MMP1: variants seen among roughly 807,000 people sequenced by gnomAD.
The protein encoded by MMP1 is matrix metallopeptidase 1, also known as interstitial collagenase.
MMP1 carries 51 observed loss-of-function variants against 49.6 expected under a neutral mutation model. The ratio of observed to expected loss-of-function variants is 1.03; its 90% CI spans 0.82 to 1.30. MMP1 has a LOEUF of 1.30. Ranked by LOEUF, MMP1 falls within the 50% of genes most tolerant of loss-of-function variation. MMP1 has a pLI of 0.00. For missense variants in MMP1, 623 were observed against 568.7 expected, an observed-to-expected ratio of 1.10 and a Z score of -0.97; for synonymous variants, 230 against 196.8, an observed-to-expected ratio of 1.17 and a Z score of -1.41.
chr11:102,795,899 G>A lies in MMP1; in HGVS notation c.626-292C>T, dbSNP rs368681785. Among the ~76,000 whole-genome samples, 27 of 152,236 alleles carry A rather than the reference G, an allele frequency of 1.8e-4. No homozygotes were observed. The South Asian group carries it at 2.9e-3, about 16-fold the overall frequency. On this transcript the variant is annotated intron_variant, in intron 4 of 9. Coordinates refer to ENST00000315274, the MANE Select transcript of MMP1 (RefSeq NM_002421.4). Reference sequence around the variant, plus strand: ...AATATTATCAATGATTAAATGACACGTACTATTTCACACAGAAGCAAAATG... The same window carrying A: ...AATATTATCAATGATTAAATGACACATACTATTTCACACAGAAGCAAAATG...
In MMP1 at chr11:102,794,208, A is replaced by T. The variant is rs1276326791; in HGVS notation, c.899+966T>A. On this transcript the variant is annotated intron_variant, in intron 6 of 9. Coordinates refer to ENST00000315274, the MANE Select transcript of MMP1 (RefSeq NM_002421.4). The surrounding 1 kb of genome is among the most constrained non-coding windows in gnomAD (Gnocchi z 4.3). The stretch of plus-strand genomic sequence containing the variant: ...TACACTTAAAAAGTAAAGAGAGGGC[A>T]GAAAGAATTATGAGCCAGTGCCCTG... Among the ~76,000 whole-genome samples, 4 of 152,238 alleles carry T rather than the reference A, an allele frequency of 2.6e-5. No homozygotes were observed. The highest frequency in any genetic ancestry group is 9.6e-5 in the African/African-American group (4 of 41,466).
At position 102,790,402 on chromosome 11, in the gene MMP1, T is replaced by C; in HGVS notation, c.*10A>G. 1.3e-6 allele frequency: 2 copies of C among 1,521,730 alleles called. No homozygotes were observed. The highest frequency in any genetic ancestry group is 1.8e-6 in the Non-Finnish European group (2 of 1,105,052). 94.3% of individuals were successfully genotyped at this position (1,521,730 alleles called of 1,614,324 possible). A position where few individuals can be genotyped will look rare whatever the true frequency, so the allele number is the denominator to read the frequency against. On this transcript the variant is annotated 3_prime_UTR_variant, in exon 10 of 10. Transcript: ENST00000315274. ...TCACACCATGTGTTTTCCATTCAAA[T>C]TAGTAATGTTCAATTTTTCCTGCAG...
intron 1 of MMP1, 96 bp downstream of exon 1, chr11:102,797,892 T>G: frequency 1.1e-6 from 1 of 947,966 alleles, no homozygotes; most frequent in Non-Finnish European, 1.5e-6. Flanking sequence ...AAAAATCTCT[T>G]TATAAGAAAC....
chr11:102,791,431 G>C lies in MMP1; in HGVS notation c.1098C>G (p.Ser366Arg). ...TCACAGTTCTAGGGAAGCCAAAGGAGCTGTAGATGTCCTTGGGGTATCCGT... is the reference window on the plus strand; with the variant it reads ...TCACAGTTCTAGGGAAGCCAAAGGACCTGTAGATGTCCTTGGGGTATCCGT... ...VLHGYPKDIY[S>R]SFGFPRTVKH... Residue 366 changes from serine (S) to arginine (R), a missense_variant, in exon 8 of 10, where the codon AGC becomes AGG. Transcript: ENST00000315274. 1 of 1,613,998 alleles carries C rather than the reference G, an allele frequency of 6.2e-7. No individual in the cohort carries two copies. Among genetic ancestry groups the C allele is most frequent in the Non-Finnish European group, 8.5e-7 (1 of 1,179,850 alleles).
intron 2 of MMP1, 28 bp downstream of exon 2, chr11:102,797,228 C>G (rs756497834): frequency 5.0e-6 from 8 of 1,613,718 alleles, no homozygotes; most frequent in Non-Finnish European, 6.8e-6. Context: ...GGAAATAGCT[C>G]TCTCACTCTG....
At chr11:102,791,626 A>G in intron 7 of MMP1, 131 bp from the exon 8 acceptor site, 4 of 935,238 alleles carry the variant, frequency 4.3e-6, no homozygotes, top group Non-Finnish European at 6.4e-6. Context: ...ATCTAGGGAG[A>G]TTTTTGAAAA....
rs1375686332 is a variant in MMP1, at chr11:102,795,532, G to A, written c.701C>T (p.Ala234Val). The change falls in exon 5 of 10, where the codon GCT becomes GTT. Residue 234 changes from alanine (A) to valine (V), a missense_variant. Coordinates refer to ENST00000315274, the MANE Select transcript of MMP1 (RefSeq NM_002421.4). Reference sequence around the variant, plus strand: ...GAAGGTGTAGCTAGGGTACATCAAAGCCCCGATATCAGTAGAATGGGAGAG... The same window carrying A: ...GAAGGTGTAGCTAGGGTACATCAAAACCCCGATATCAGTAGAATGGGAGAG... ...LGLSHSTDIG[A>V]LMYPSYTFSG... 1.2e-6 allele frequency: 2 copies of A among 1,614,018 alleles called. No individual in the cohort carries two copies. The highest frequency in any genetic ancestry group is 1.7e-6 in the Non-Finnish European group (2 of 1,179,990).
At chr11:102,790,835 A>G (rs1858008052) in intron 8 of MMP1, 29 bp from the exon 9 acceptor site, 5 of 1,276,488 alleles carry the variant, frequency 3.9e-6, no homozygotes, top group Middle Eastern at 1.8e-4. Context: ...AGAGTGTCAG[A>G]CCTTTTGCTA....
At chr11:102,790,641 T>G (rs1383201373) in intron 9 of MMP1, 62 bp downstream of exon 9, 12 of 1,381,636 alleles carry the variant, frequency 8.7e-6, no homozygotes, top group Non-Finnish European at 1.1e-5. Flanking sequence ...CTGTTCCAAC[T>G]AACAATAATG....
Position 102,791,508 on chromosome 11 carries a change from A to G in MMP1, c.1034-13T>C, listed in dbSNP as rs867161685. 16 of 1,610,624 alleles carry G rather than the reference A, an allele frequency of 9.9e-6. No individual in the cohort carries two copies. In the Middle Eastern group the frequency reaches 1.8e-3, roughly 183 times the overall value. On this transcript the variant is annotated splice_polypyrimidine_tract_variant and intron_variant, in intron 7 of 9. Transcript: ENST00000315274. ...CAGTACTTATTCCCTGCCAATCAAGAAAGAGTGATAAAACACTTGCCTAAG... is the reference window on the plus strand; with the variant it reads ...CAGTACTTATTCCCTGCCAATCAAGGAAGAGTGATAAAACACTTGCCTAAG...
rs369683438 is a variant in MMP1, at chr11:102,797,365, C to T, written c.241G>A (p.Ala81Thr). ...FGLKVTGKPD[A>T]ETLKVMKQPR... ...TGCTTCATCACCTTCAGGGTTTCAGCATCTGGTTTCCCAGTCACTTTCAGC... is the reference window on the plus strand; with the variant it reads ...TGCTTCATCACCTTCAGGGTTTCAGTATCTGGTTTCCCAGTCACTTTCAGC... Residue 81 changes from alanine (A) to threonine (T), a missense_variant, in exon 2 of 10, where the codon GCT becomes ACT. Transcript: ENST00000315274. 2.5e-6 allele frequency: 4 copies of T among 1,614,196 alleles called. No homozygotes were observed. The South Asian group carries it at 4.4e-5, about 18-fold the overall frequency.
intron 4 of MMP1, 84 bp downstream of exon 4, chr11:102,796,580 G>A (rs1401170473): frequency 2.1e-6 from 3 of 1,452,636 alleles, no homozygotes; most frequent in Non-Finnish European, 2.8e-6. Context: ...TTCTATGAAT[G>A]CATTCTTTCA....
intron 1 of MMP1, 85 bp downstream of exon 1, chr11:102,797,903 C>T: frequency 4.9e-6 from 5 of 1,016,260 alleles, no homozygotes; most frequent in Non-Finnish European, 7.1e-6. Context: ...TATAAGAAAC[C>T]TATCCTTAAA....
chr11:102,795,093 T>G (rs1241759502), intron 6 of MMP1, 81 bp downstream of exon 6: 15 of 1,094,312 alleles, frequency 1.4e-5, no homozygotes, highest in Admixed American at 1.7e-5. Context: ...ATAAGTAACA[T>G]GTGAAGCATA....
At position 102,791,422 on chromosome 11, in the gene MMP1, G is replaced by A; in HGVS notation, c.1107C>T (p.Gly369=). 6.2e-7 allele frequency: 1 copy of A among 1,614,042 alleles called. No homozygotes were observed. Among genetic ancestry groups the A allele is most frequent in the Non-Finnish European group, 8.5e-7 (1 of 1,179,880 alleles). ...CGATATGCTTCACAGTTCTAGGGAA[G>A]CCAAAGGAGCTGTAGATGTCCTTGG... is the stretch of plus-strand genomic sequence containing the variant. ...GYPKDIYSSF[G]FPRTVKHIDA... The change falls in exon 8 of 10, where the codon GGC becomes GGT. Residue 369 remains glycine (G), a synonymous_variant. Transcript: ENST00000315274.
chr11:102,791,217 A>T (rs1418660768), intron 8 of MMP1, 116 bp downstream of exon 8: 1 of 1,049,126 alleles, frequency 9.5e-7, no homozygotes, highest in Non-Finnish European at 1.4e-6. Context: ...GGCACCAGCC[A>T]TCTGAAGGAA....
At position 102,796,286 on chromosome 11, in the gene MMP1, A is replaced by G. The variant is rs758967599; in HGVS notation, c.625+378T>C. 4.7e-4 allele frequency among the ~76,000 whole-genome samples: 72 copies of G among 152,328 alleles called. 1 individual carries two copies. The South Asian group carries it at 6.0e-3, about 13-fold the overall frequency. ...TTTTTCTTATTTACAAAACTGATAA[A>G]TGTTGACTGCTGGAAATTTTGGAAA... On this transcript the variant is annotated intron_variant, in intron 4 of 9. Transcript: ENST00000315274.
chr11:102,795,234 C>T lies in MMP1; in HGVS notation c.839G>A (p.Ser280Asn). 2 of 1,614,148 alleles carry T rather than the reference C, an allele frequency of 1.2e-6. No individual in the cohort carries two copies. Among genetic ancestry groups the T allele is most frequent in the Non-Finnish European group, 1.7e-6 (2 of 1,180,016 alleles). The change falls in exon 6 of 10, where the codon AGT (serine) becomes AAT (asparagine). Residue 280 changes from serine to asparagine, a missense_variant. Ser to Asn is a conservative substitution (Grantham distance 46). Coordinates refer to ENST00000315274, the MANE Select transcript of MMP1 (RefSeq NM_002421.4). ...IGPQTPKACD[S>N]KLTFDAITTI... ...AGTTATAGCATCAAAGGTTAGCTTACTGTCACACGCTTTTGGGGTTTGTGG... is the reference window on the plus strand; with the variant it reads ...AGTTATAGCATCAAAGGTTAGCTTATTGTCACACGCTTTTGGGGTTTGTGG...
Position 102,790,348 on chromosome 11 carries a change from A to G in MMP1, c.*64T>C. 1.1e-6 allele frequency: 1 copy of G among 913,916 alleles called. No individual in the cohort carries two copies. Among genetic ancestry groups the G allele is most frequent in the Non-Finnish European group, 1.7e-6 (1 of 580,478 alleles). The allele number at this position is 913,916 out of a possible 1,614,324, so 56.6% of individuals were successfully genotyped here. ...GTTAAAAATGACTGAGAAAATAGAC[A>G]GTTCTTCAGGAAAACACCTTCTTTG... On this transcript the variant is annotated 3_prime_UTR_variant, in exon 10 of 10. Coordinates refer to ENST00000315274, the MANE Select transcript of MMP1 (RefSeq NM_002421.4).
Sources: gnomAD v4.1 joint callset for allele counts (sites outside exome capture counted in the v4.1 genomes callset) on GRCh38, gnomAD v4.1.1 for gene constraint, Gnocchi (gnomAD v3.1) non-coding constraint, MANE v1.5 for transcripts, NCBI Gene and HGNC (gene_info 2026-07-23, HGNC 2026-07-21) for gene names.